Variants in KCTD16 observed in about 807,000 individuals in gnomAD.
KCTD16 encodes potassium channel tetramerization domain containing 16, also known as BTB/POZ domain-containing protein KCTD16.
Under a neutral mutation model 33.2 loss-of-function variants are expected in KCTD16, and 13 were observed. The observed-to-expected ratio is 0.39, with a 90% CI of 0.25 to 0.62. KCTD16 has a LOEUF of 0.62. Ranked by LOEUF, KCTD16 falls within the 20% of genes least tolerant of loss-of-function variation. The probability of loss-of-function intolerance (pLI) is 0.50; values close to 1 mark genes in which losing one functional copy is unlikely to be tolerated. For missense variants in KCTD16, 441 were observed against 525.1 expected (o/e 0.84, Z 1.57); for synonymous variants, 197 against 195.3 (o/e 1.01, Z -0.07).
intron 2 of KCTD16, chr5:144,205,695 C>A (rs1753149147): frequency 2.5e-6 from 1 of 397,804 alleles, no homozygotes; most frequent in Admixed American, 4.4e-5. Context: ...TTTTTCTTTT[C>A]CCCTGGGGAA....
At position 144,452,714 on chromosome 5, in the gene KCTD16, C is replaced by G. The variant is rs543381228; in HGVS notation, c.833-20946C>G. 1.2e-3 allele frequency among the ~76,000 whole-genome samples: 183 copies of G among 149,810 alleles called. 1 individual carries two copies. The highest frequency in any genetic ancestry group is 1.6e-3 in the Non-Finnish European group (109 of 67,582). On this transcript the variant is annotated intron_variant, in intron 3 of 3. Coordinates refer to ENST00000512467, the MANE Select transcript of KCTD16 (RefSeq NM_020768.4). ...TGACAAATCAGCTGCCAAATCTGGA[C>G]CAAAATAAAATAGAGTCTGTCATCA...
At chr5:144,442,894 G>T (rs890694820) in intron 3 of KCTD16, among the ~76,000 whole-genome samples, 1 of 151,816 alleles carries the variant, frequency 6.6e-6, no homozygotes, top group African/African-American at 2.4e-5. Context: ...CCTGGTTTTT[G>T]TTGTTGTTGT....
intron 3 of KCTD16, among the ~76,000 whole-genome samples, chr5:144,419,398 A>T (rs1455204036): frequency 6.6e-6 from 1 of 152,150 alleles, no homozygotes; most frequent in Non-Finnish European, 1.5e-5. Context: ...GCACAAAGTG[A>T]TTTATTGGCC....
At chr5:144,349,203 G>T (rs1256691748) in intron 3 of KCTD16, among the ~76,000 whole-genome samples, 1 of 152,090 alleles carries the variant, frequency 6.6e-6, no homozygotes, top group Non-Finnish European at 1.5e-5. Flanking sequence ...TGGGAGGAAG[G>T]CACTCTCCTT....
chr5:144,417,396 T>C (rs542047229), intron 3 of KCTD16, among the ~76,000 whole-genome samples: 2 of 152,262 alleles, frequency 1.3e-5, no homozygotes, highest in African/African-American at 4.8e-5. Flanking sequence ...TTTTATGTGT[T>C]TGTTGCCCAT....
At chr5:144,338,066 A>G (rs991280171) in intron 3 of KCTD16, among the ~76,000 whole-genome samples, 4 of 152,192 alleles carry the variant, frequency 2.6e-5, no homozygotes, top group Admixed American at 6.6e-5. Context: ...TGAGTTTTTA[A>G]TCAGTGGAGA....
intron 3 of KCTD16, among the ~76,000 whole-genome samples, chr5:144,312,468 A>G (rs1751792133): frequency 1.3e-5 from 2 of 152,210 alleles, no homozygotes; most frequent in African/African-American, 4.8e-5. Context: ...AGCTGCCTGT[A>G]CTTGTGGAAG....
chr5:144,311,282 G>C (rs1342454937), intron 3 of KCTD16, among the ~76,000 whole-genome samples: 1 of 152,156 alleles, frequency 6.6e-6, no homozygotes, highest in Non-Finnish European at 1.5e-5. Context: ...TTAAAGTATA[G>C]TAAAAACAAA....
At chr5:144,235,154 T>C (rs1754213991) in intron 3 of KCTD16, among the ~76,000 whole-genome samples, 1 of 152,176 alleles carries the variant, frequency 6.6e-6, no homozygotes, top group African/African-American at 2.4e-5. Flanking sequence ...AGAATCATTT[T>C]GCATGGGTGA....
intron 3 of KCTD16, among the ~76,000 whole-genome samples, chr5:144,446,649 T>A (rs530923035): frequency 1.3e-5 from 2 of 152,082 alleles, no homozygotes; most frequent in East Asian, 3.9e-4. Context: ...ATTTTTGCAA[T>A]CTATCCATCT....
Position 144,482,831 on chromosome 5 carries a change from AC to A in KCTD16, c.*8720del, listed in dbSNP as rs575674005. The A allele has an allele frequency of 7.9e-5, 12 of 151,842 alleles. No homozygotes were observed. In the East Asian group the frequency reaches 2.3e-3, roughly 30 times the overall value. 9.4% of individuals were successfully genotyped at this position (151,842 alleles called of 1,614,324 possible). A position where few individuals can be genotyped will look rare whatever the true frequency, so the allele number is the denominator to read the frequency against. On this transcript the variant is annotated 3_prime_UTR_variant, in exon 4 of 4. Transcript: ENST00000512467. ...TATCTATAGCTGTACATATGTATACACCCATAAACAAAGCTCATAGTTTAAA... is the reference window on the plus strand; with the variant it reads ...TATCTATAGCTGTACATATGTATACACCATAAACAAAGCTCATAGTTTAAA...
In KCTD16 at chr5:144,475,707, G is replaced by A. The variant is rs1315159516; in HGVS notation, c.*1593G>A. On this transcript the variant is annotated 3_prime_UTR_variant, in exon 4 of 4. Transcript: ENST00000512467. ...TGTATGTGTATCACAGGTAATAAAGGCAATTGGATGATATCTGTAGGAGGA... is the reference window on the plus strand; with the variant it reads ...TGTATGTGTATCACAGGTAATAAAGACAATTGGATGATATCTGTAGGAGGA... The A allele has an allele frequency of 6.6e-6, 1 of 152,622 alleles. No homozygotes were observed. Among genetic ancestry groups the A allele is most frequent in the Non-Finnish European group, 1.5e-5 (1 of 68,024 alleles). The allele number at this position is 152,622 out of a possible 1,614,324, so 9.5% of individuals were successfully genotyped here. A position where few individuals can be genotyped will look rare whatever the true frequency, so the allele number is the denominator to read the frequency against.
intron 3 of KCTD16, among the ~76,000 whole-genome samples, chr5:144,233,191 C>A (rs1754155829): frequency 6.6e-6 from 1 of 151,974 alleles, no homozygotes; most frequent in Non-Finnish European, 1.5e-5. Context: ...ATAAAGAAAG[C>A]CACATCAACT....
intron 3 of KCTD16, among the ~76,000 whole-genome samples, chr5:144,383,572 G>A (rs1752262280): frequency 6.6e-6 from 1 of 150,496 alleles, no homozygotes; most frequent in Non-Finnish European, 1.5e-5. Flanking sequence ...ACATTCTAAA[G>A]TAATTAGAAT....
intron 3 of KCTD16, among the ~76,000 whole-genome samples, chr5:144,464,920 T>C (rs1221885311): frequency 1.3e-5 from 2 of 152,148 alleles, no homozygotes; most frequent in Non-Finnish European, 2.9e-5. Flanking sequence ...CTCCCAAAAA[T>C]ATATGCATTT....
rs1230692572 is a variant in KCTD16, at chr5:144,474,725, T to C, written c.*611T>C. The C allele has an allele frequency of 2.0e-5, 3 of 152,676 alleles. No individual in the cohort carries two copies. Among genetic ancestry groups the C allele is most frequent in the African/African-American group, 7.2e-5 (3 of 41,466 alleles). 9.5% of individuals were successfully genotyped at this position (152,676 alleles called of 1,614,324 possible). A position where few individuals can be genotyped will look rare whatever the true frequency, so the allele number is the denominator to read the frequency against. ...GGCCTAGACCTCCCAAGGGCTGTGC[T>C]CCTGCTCCCAGCAGCCCTCTCTTAG... is the stretch of plus-strand genomic sequence containing the variant. On this transcript the variant is annotated 3_prime_UTR_variant, in exon 4 of 4. Transcript: ENST00000512467.
intron 2 of KCTD16, among the ~76,000 whole-genome samples, chr5:144,182,460 G>T (rs969647060): frequency 6.6e-6 from 1 of 152,158 alleles, no homozygotes; most frequent in African/African-American, 2.4e-5. Context: ...TAGAATGATG[G>T]TTACCATAGG....
chr5:144,276,310 T>C (rs189262511), intron 3 of KCTD16, among the ~76,000 whole-genome samples: 3 of 152,282 alleles, frequency 2.0e-5, no homozygotes, highest in African/African-American at 7.2e-5. Context: ...ATATTAATGT[T>C]TATAGCTTTA....
chr5:144,271,355 A>C (rs536831150), intron 3 of KCTD16, among the ~76,000 whole-genome samples: 2 of 152,264 alleles, frequency 1.3e-5, no homozygotes, highest in South Asian at 4.1e-4. Flanking sequence ...TCAACATATG[A>C]AAATCAATCA....
Sources: gnomAD v4.1 joint callset for allele counts (sites outside exome capture counted in the v4.1 genomes callset) on GRCh38, gnomAD v4.1.1 for gene constraint, MANE v1.5 for transcripts, NCBI Gene and HGNC (gene_info 2026-07-23, HGNC 2026-07-21) for gene names.